The following FABP7 variants were observed in gnomAD, a reference collection of about 807,000 sequenced individuals.
FABP7 encodes the protein fatty acid-binding protein, brain.
In FABP7, 13 loss-of-function variants were observed where a neutral mutation model predicts 14.2. The observed-to-expected ratio is 0.91, with a 90% CI of 0.59 to 1.45. The LOEUF (loss-of-function observed/expected upper bound fraction) is 1.45, where lower values mean the gene tolerates loss of function less well. FABP7 is among the 40% of genes most tolerant of loss of function. FABP7 has a pLI of 0.00. For synonymous variants in FABP7, 49 were observed against 51.4 expected (o/e 0.95, Z 0.20); for missense variants, 149 against 157.6 (o/e 0.95, Z 0.29).
chr6:122,779,715 T>A, upstream of FABP7: 1 of 1,354,866 alleles, frequency 7.4e-7, no homozygotes, highest in South Asian at 1.2e-5. Flanking sequence ...CTTGCTGAGG[T>A]GTAAAGGGTC....
At chr6:122,774,771 C>CA (rs575030976), upstream of FABP7, among the ~76,000 whole-genome samples, 9,290 of 105,360 alleles carry the variant, frequency 0.088, 909 homozygotes, top group African/African-American at 0.26. Context: ...AAGACTCTTC[C>CA]AAAAAAAAAA....
Position 122,781,152 on chromosome 6 carries a change from A to G in FABP7, c.306A>G (p.Glu102=), listed in dbSNP as rs1452217391. 3 of 1,613,942 alleles carry G rather than the reference A, an allele frequency of 1.9e-6. No homozygotes were observed. Among genetic ancestry groups the G allele is most frequent in the Non-Finnish European group, 2.5e-6 (3 of 1,179,972 alleles). ...LVHIQKWDGK[E]TNFVREIKDG... is the part of the protein sequence containing the mutation. Reference sequence around the variant, plus strand: ...ACATACAGAAATGGGATGGCAAAGAAACAAATTTTGTAAGAGAAATTAAGG... The same window carrying G: ...ACATACAGAAATGGGATGGCAAAGAGACAAATTTTGTAAGAGAAATTAAGG... Residue 102 remains glutamate, a synonymous_variant, in exon 3 of 4, where the codon GAA becomes GAG. Transcript: ENST00000368444.
the FABP7 span, among the ~76,000 whole-genome samples, chr6:122,753,788 C>CCT: frequency 3.4e-5 from 3 of 87,844 alleles, no homozygotes; most frequent in African/African-American, 1.4e-4. Context: ...AATCCCGCCC[C>CCT]CCCCCCGCCC....
At chr6:122,755,668 A>G in the FABP7 span, among the ~76,000 whole-genome samples, 633 of 151,898 alleles carry the variant, frequency 4.2e-3, 5 homozygotes, top group African/African-American at 0.014. Flanking sequence ...CGTGTTATCC[A>G]GGATGGCCTT....
At chr6:122,755,552 C>T in the FABP7 span, among the ~76,000 whole-genome samples, 5 of 149,458 alleles carry the variant, frequency 3.3e-5, no homozygotes, top group African/African-American at 1.2e-4. Flanking sequence ...CTCCCGGGTT[C>T]ACGCCATTCT....
chr6:122,752,483 C>A, the FABP7 span, among the ~76,000 whole-genome samples: 1 of 152,168 alleles, frequency 6.6e-6, no homozygotes, highest in Non-Finnish European at 1.5e-5. Flanking sequence ...GATTTCTTTC[C>A]TCTAAATGTT....
chr6:122,771,149 A>C, the FABP7 span, among the ~76,000 whole-genome samples: 2 of 152,196 alleles, frequency 1.3e-5, no homozygotes, highest in Non-Finnish European at 2.9e-5. Context: ...GTGGCAAAGC[A>C]GGTTCCTGAT....
the FABP7 span, among the ~76,000 whole-genome samples, chr6:122,771,442 A>G: frequency 5.3e-5 from 8 of 152,214 alleles, no homozygotes; most frequent in Non-Finnish European, 1.0e-4. Flanking sequence ...AGCAGAGATC[A>G]GTAAACAAAA....
At position 122,783,592 on chromosome 6, in the gene FABP7, C is replaced by A. The variant is rs1780847996; in HGVS notation, c.349-125C>A. 1.2e-5 allele frequency: 17 copies of A among 1,419,722 alleles called. No individual in the cohort carries two copies. The South Asian group carries it at 2.6e-4, about 22-fold the overall frequency. The allele number at this position is 1,419,722 out of a possible 1,614,324, so 87.9% of individuals were successfully genotyped here. On this transcript the variant is annotated intron_variant, in intron 3 of 3. Coordinates refer to ENST00000368444, the MANE Select transcript of FABP7 (RefSeq NM_001446.5). Reference sequence around the variant, plus strand: ...CTTTTCAAGATGTGAAATGCTTATGCAGCATTTAATGTTTGTAAATGTCAT... The same window carrying A: ...CTTTTCAAGATGTGAAATGCTTATGAAGCATTTAATGTTTGTAAATGTCAT...
At chr6:122,763,931 AC>A in the FABP7 span, among the ~76,000 whole-genome samples, 49 of 152,188 alleles carry the variant, frequency 3.2e-4, no homozygotes, top group African/African-American at 9.2e-4. Context: ...GAACACTTTT[AC>A]CCTGTTAGTG....
upstream of FABP7, among the ~76,000 whole-genome samples, chr6:122,776,613 G>C (rs894217402): frequency 6.6e-6 from 1 of 152,034 alleles, no homozygotes; most frequent in African/African-American, 2.4e-5. Context: ...TACCACAACA[G>C]GTTTACTATA....
At chr6:122,758,124 T>TTTTA in the FABP7 span, among the ~76,000 whole-genome samples, 1 of 146,558 alleles carries the variant, frequency 6.8e-6, no homozygotes, top group Non-Finnish European at 1.5e-5. Context: ...TTTTTTTTTT[T>TTTTA]AATTAACAGA....
the FABP7 span, among the ~76,000 whole-genome samples, chr6:122,771,748 C>T: frequency 6.9e-4 from 105 of 152,302 alleles, no homozygotes; most frequent in African/African-American, 2.2e-3. Context: ...AAAGAAGAGG[C>T]TTAGATACCT....
At chr6:122,769,687 C>G in the FABP7 span, among the ~76,000 whole-genome samples, 26 of 151,990 alleles carry the variant, frequency 1.7e-4, no homozygotes, top group African/African-American at 1.9e-4. Flanking sequence ...AGAAAACTTA[C>G]GAAATGCTGG....
chr6:122,759,394 A>G, the FABP7 span, among the ~76,000 whole-genome samples: 18 of 152,212 alleles, frequency 1.2e-4, no homozygotes, highest in Admixed American at 2.0e-4. Flanking sequence ...CTGATTTCCA[A>G]CAAAGGGCTA....
upstream of FABP7, among the ~76,000 whole-genome samples, chr6:122,775,046 T>A (rs1477765632): frequency 6.6e-6 from 1 of 152,030 alleles, no homozygotes; most frequent in African/African-American, 2.4e-5. Flanking sequence ...TGTTCATGAA[T>A]TAGAAAAATA....
chr6:122,764,435 G>A, the FABP7 span, among the ~76,000 whole-genome samples: 37,241 of 151,876 alleles, frequency 0.25, 5,861 homozygotes, highest in Non-Finnish European at 0.36. Flanking sequence ...AATACATAAT[G>A]TAAATGACGA....
At chr6:122,755,522 C>T in the FABP7 span, among the ~76,000 whole-genome samples, 10 of 147,460 alleles carry the variant, frequency 6.8e-5, no homozygotes, top group African/African-American at 2.0e-4. Flanking sequence ...GGTGCAATCT[C>T]GGCTCACTGC....
At chr6:122,757,359 ACTGG>A in the FABP7 span, among the ~76,000 whole-genome samples, 4 of 151,986 alleles carry the variant, frequency 2.6e-5, no homozygotes, top group Non-Finnish European at 5.9e-5. Flanking sequence ...CATCAGATGC[ACTGG>A]GGCTGAGTAG....
Sources: gnomAD v4.1 joint callset for allele counts (sites outside exome capture counted in the v4.1 genomes callset) on GRCh38, gnomAD v4.1.1 for gene constraint, MANE v1.5 for transcripts, NCBI Gene and HGNC (gene_info 2026-07-23, HGNC 2026-07-21) for gene names.